Variants in GALNT13 observed in about 807,000 individuals in gnomAD.
GALNT13 encodes UDP-GalNAc:polypeptide N-acetylgalactosaminyltransferase 13.
Under a neutral mutation model 64.2 loss-of-function variants are expected in GALNT13, and 28 were observed. That is an observed-to-expected ratio of 0.44 (90% CI 0.32 to 0.60). The LOEUF is 0.60. Among genes scored for constraint, GALNT13 ranks in the 20% least tolerant of loss-of-function variants. The pLI, the probability that GALNT13 is intolerant of heterozygous loss-of-function variation, is 0.05. For synonymous variants in GALNT13, 214 were observed against 224.6 expected (o/e 0.95, Z 0.42); for missense variants, 577 against 669.8 (o/e 0.86, Z 1.53).
chr2:153,262,959 G>A, the GALNT13 span, among the ~76,000 whole-genome samples: 1 of 151,998 alleles, frequency 6.6e-6, no homozygotes, highest in Non-Finnish European at 1.5e-5. Context: ...AGGGCAATCA[G>A]ACAAGAGAAA....
chr2:154,096,333 A>C (rs1175485911), intron 3 of GALNT13, among the ~76,000 whole-genome samples: 2 of 151,964 alleles, frequency 1.3e-5, no homozygotes, highest in Non-Finnish European at 2.9e-5. Flanking sequence ...AGTGTGGAGA[A>C]GGGAGACAAA....
the GALNT13 span, among the ~76,000 whole-genome samples, chr2:153,610,129 A>C: frequency 6.6e-6 from 1 of 152,198 alleles, no homozygotes. Flanking sequence ...ACACATCAAC[A>C]GCCATTACCA....
the GALNT13 span, among the ~76,000 whole-genome samples, chr2:153,621,804 T>C: frequency 6.6e-6 from 1 of 152,016 alleles, no homozygotes; most frequent in Non-Finnish European, 1.5e-5. Context: ...TAGCTTGTGT[T>C]GAATGCTGCC....
At chr2:153,142,573 T>C in the GALNT13 span, among the ~76,000 whole-genome samples, 1 of 151,358 alleles carries the variant, frequency 6.6e-6, no homozygotes, top group Non-Finnish European at 1.5e-5. Context: ...TTTAGAAAAA[T>C]GAGAGAATGA....
intron 3 of GALNT13, among the ~76,000 whole-genome samples, chr2:154,073,817 A>T (rs962869232): frequency 2.0e-5 from 3 of 151,882 alleles, no homozygotes; most frequent in Non-Finnish European, 4.4e-5. Flanking sequence ...ATCTGCCAGA[A>T]TACTATTCCA....
the GALNT13 span, among the ~76,000 whole-genome samples, chr2:153,596,822 A>T: frequency 6.6e-6 from 1 of 152,086 alleles, no homozygotes; most frequent in African/African-American, 2.4e-5. Flanking sequence ...TCAGTGGGAA[A>T]ATAATAACAT....
intron 3 of GALNT13, among the ~76,000 whole-genome samples, chr2:154,037,364 C>G (rs1447913780): frequency 6.6e-6 from 1 of 151,994 alleles, no homozygotes; most frequent in African/African-American, 2.4e-5. Context: ...ATAATAAAGG[C>G]TATATATAAC....
At chr2:154,123,251 A>G (rs1461570251) in intron 3 of GALNT13, among the ~76,000 whole-genome samples, 2 of 152,024 alleles carry the variant, frequency 1.3e-5, no homozygotes, top group Non-Finnish European at 2.9e-5. Flanking sequence ...ATGCATAGGT[A>G]TGCTACCATG....
At chr2:154,193,480 C>T (rs889040063) in intron 4 of GALNT13, among the ~76,000 whole-genome samples, 3 of 152,148 alleles carry the variant, frequency 2.0e-5, no homozygotes, top group Non-Finnish European at 2.9e-5. Context: ...GAACCGTGAC[C>T]ATGACGAAAC....
At chr2:153,628,854 G>A in the GALNT13 span, among the ~76,000 whole-genome samples, 2 of 152,054 alleles carry the variant, frequency 1.3e-5, no homozygotes, top group African/African-American at 4.8e-5. Flanking sequence ...GATGATGCTG[G>A]CCTCATAAAA....
At chr2:154,348,994 T>C (rs958213376) in intron 9 of GALNT13, among the ~76,000 whole-genome samples, 1 of 152,240 alleles carries the variant, frequency 6.6e-6, no homozygotes, top group Non-Finnish European at 1.5e-5. Flanking sequence ...ATAACATTTG[T>C]TGCAGGTTCA....
At chr2:153,780,263 A>G in the GALNT13 span, among the ~76,000 whole-genome samples, 6 of 132,670 alleles carry the variant, frequency 4.5e-5, no homozygotes, top group South Asian at 1.4e-3. Context: ...ATATATGCAT[A>G]TATATATCAG....
At chr2:154,438,523 G>A in intron 11 of GALNT13, 69 bp from the exon 12 acceptor site, 1 of 1,194,752 alleles carries the variant, frequency 8.4e-7, no homozygotes, top group South Asian at 1.3e-5. Context: ...AAGCTTCCCT[G>A]GATAGATCTG....
the GALNT13 span, among the ~76,000 whole-genome samples, chr2:153,219,702 G>T: frequency 2.6e-5 from 4 of 152,200 alleles, no homozygotes; most frequent in Non-Finnish European, 5.9e-5. Flanking sequence ...AGGACAACTA[G>T]TTATCACACA....
At chr2:153,647,290 C>T in the GALNT13 span, among the ~76,000 whole-genome samples, 47 of 152,216 alleles carry the variant, frequency 3.1e-4, no homozygotes, top group East Asian at 3.9e-4. Context: ...TCATATCCTT[C>T]ACCCACTTGT....
intron 3 of GALNT13, among the ~76,000 whole-genome samples, chr2:154,038,290 C>G (rs12052637): frequency 0.071 from 10,732 of 152,022 alleles, 448 homozygotes; most frequent in Middle Eastern, 0.13. Context: ...TGAATTGAAC[C>G]ACAAAACACT....
the GALNT13 span, among the ~76,000 whole-genome samples, chr2:153,209,702 A>C: frequency 6.6e-6 from 1 of 152,240 alleles, no homozygotes; most frequent in African/African-American, 2.4e-5. Flanking sequence ...TTTACAAAAA[A>C]ATCCTGCCGG....
At position 153,997,966 on chromosome 2, in the gene GALNT13, C is replaced by T. The variant is rs150334353; in HGVS notation, c.142+53327C>T. On this transcript the variant is annotated intron_variant, in intron 3 of 12. Transcript: ENST00000392825. ...GCTTCATCCATGTCCCTGCAAAGGG[C>T]ATGAACTCATCCTTTTTTATGTCTG... is the stretch of plus-strand genomic sequence containing the variant. 2.0e-5 allele frequency among the ~76,000 whole-genome samples: 3 copies of T among 152,310 alleles called. No individual in the cohort carries two copies. In the East Asian group the frequency reaches 5.8e-4, roughly 29 times the overall value.
At chr2:153,703,090 A>T in the GALNT13 span, among the ~76,000 whole-genome samples, 1 of 152,162 alleles carries the variant, frequency 6.6e-6, no homozygotes, top group East Asian at 1.9e-4. Context: ...AGGGATGCTG[A>T]TAATCAAGTA....
Sources: gnomAD v4.1 joint callset for allele counts (sites outside exome capture counted in the v4.1 genomes callset) on GRCh38, gnomAD v4.1.1 for gene constraint, MANE v1.5 for transcripts, NCBI Gene and HGNC (gene_info 2026-07-23, HGNC 2026-07-21) for gene names.